Variants in LCLAT1 observed in about 807,000 individuals in gnomAD.
LCLAT1 encodes the protein lysocardiolipin acyltransferase 1, also known as 1-AGP acyltransferase 8.
LCLAT1 carries 11 observed loss-of-function variants against 30.7 expected under a neutral mutation model. That is an observed-to-expected ratio of 0.36 (90% CI 0.23 to 0.59). LCLAT1 has a LOEUF of 0.59. LCLAT1 is among the 20% of genes least tolerant of loss of function. The pLI, the probability that LCLAT1 is intolerant of heterozygous loss-of-function variation, is 0.77. For missense variants in LCLAT1, 402 were observed against 458.6 expected (o/e 0.88, Z 1.13); for synonymous variants, 155 against 151.3 (o/e 1.02, Z -0.18).
intron 1 of LCLAT1, among the ~76,000 whole-genome samples, chr2:30,521,129 G>A (rs1685447359): frequency 6.6e-6 from 1 of 152,146 alleles, no homozygotes; most frequent in South Asian, 2.1e-4. Context: ...GGTCCTCACT[G>A]CTACACTTCC....
chr2:30,571,076 T>C (rs1665758264), intron 5 of LCLAT1, among the ~76,000 whole-genome samples: 1 of 152,198 alleles, frequency 6.6e-6, no homozygotes, highest in African/African-American at 2.4e-5. Flanking sequence ...TTTATTTGAG[T>C]TTTAGGTTTG....
chr2:30,602,830 G>C (rs923907744), intron 5 of LCLAT1, among the ~76,000 whole-genome samples: 1 of 152,094 alleles, frequency 6.6e-6, no homozygotes, highest in Admixed American at 6.6e-5. Flanking sequence ...CTCAGCCCTG[G>C]CTTCCCATCC....
At chr2:30,526,206 T>C (rs1483067985) in intron 2 of LCLAT1, among the ~76,000 whole-genome samples, 2 of 152,284 alleles carry the variant, frequency 1.3e-5, no homozygotes, top group Non-Finnish European at 2.9e-5. Flanking sequence ...TCACATTTTT[T>C]TCTGCCTTAT....
chr2:30,576,744 C>T (rs558799083), intron 5 of LCLAT1, among the ~76,000 whole-genome samples: 48 of 151,994 alleles, frequency 3.2e-4, no homozygotes, highest in African/African-American at 1.1e-3. Flanking sequence ...GACATGTGTC[C>T]ATTTCATTAT....
intron 1 of LCLAT1, among the ~76,000 whole-genome samples, chr2:30,462,313 T>A (rs1192645747): frequency 6.6e-6 from 1 of 152,152 alleles, no homozygotes; most frequent in East Asian, 1.9e-4. Context: ...AGTGTATAAT[T>A]GGAAAGTTAG....
intron 1 of LCLAT1, among the ~76,000 whole-genome samples, chr2:30,470,581 GC>G (rs1401114419): frequency 6.6e-6 from 1 of 152,214 alleles, no homozygotes. Flanking sequence ...GAGGTTAGAA[GC>G]AAGATGGAGT....
At chr2:30,623,468 A>G (rs765113714) in intron 5 of LCLAT1, among the ~76,000 whole-genome samples, 13 of 152,148 alleles carry the variant, frequency 8.5e-5, no homozygotes, top group Non-Finnish European at 1.5e-4. Context: ...TGCATAGTAC[A>G]CTGGAAAGTC....
intron 1 of LCLAT1, among the ~76,000 whole-genome samples, chr2:30,505,723 G>A (rs181914363): frequency 9.2e-5 from 14 of 151,822 alleles, no homozygotes; most frequent in African/African-American, 3.2e-4. Context: ...ACCATTACTC[G>A]TACTTGTAAC....
chr2:30,605,853 G>T (rs186410596), intron 5 of LCLAT1, among the ~76,000 whole-genome samples: 7 of 152,014 alleles, frequency 4.6e-5, no homozygotes, highest in African/African-American at 1.5e-4. Context: ...GGGAGGGAGT[G>T]GGGGGATGGT....
chr2:30,594,213 TC>T (rs1161782198), intron 5 of LCLAT1, among the ~76,000 whole-genome samples: 1 of 152,158 alleles, frequency 6.6e-6, no homozygotes, highest in African/African-American at 2.4e-5. Context: ...TTTTAAAAAA[TC>T]AAGTTTCATA....
chr2:30,516,289 A>G (rs1014901963), intron 1 of LCLAT1, among the ~76,000 whole-genome samples: 2 of 151,948 alleles, frequency 1.3e-5, no homozygotes. Context: ...CTTCTGGTCC[A>G]TGTTTGTTAG....
chr2:30,581,742 T>C (rs892168468), intron 5 of LCLAT1, among the ~76,000 whole-genome samples: 3 of 152,176 alleles, frequency 2.0e-5, no homozygotes, highest in Admixed American at 6.5e-5. Context: ...GAATAGTGGT[T>C]ACTAGAGGCT....
intron 3 of LCLAT1, among the ~76,000 whole-genome samples, chr2:30,542,124 T>C (rs1485094363): frequency 6.6e-6 from 1 of 152,200 alleles, no homozygotes; most frequent in Non-Finnish European, 1.5e-5. Flanking sequence ...TATAGGCTCT[T>C]TATAGATAGG....
At chr2:30,517,018 A>G (rs1685215853) in intron 1 of LCLAT1, among the ~76,000 whole-genome samples, 1 of 152,222 alleles carries the variant, frequency 6.6e-6, no homozygotes, top group Non-Finnish European at 1.5e-5. Context: ...GGCATTGGCC[A>G]GTCGAGATCA....
At chr2:30,557,484 G>A (rs1572622083) in intron 3 of LCLAT1, among the ~76,000 whole-genome samples, 2 of 151,040 alleles carry the variant, frequency 1.3e-5, no homozygotes, top group East Asian at 3.9e-4. Context: ...GCACAATCTT[G>A]GCTCACTGCA....
chr2:30,537,427 A>G (rs1558505022), intron 3 of LCLAT1, among the ~76,000 whole-genome samples: 2 of 152,096 alleles, frequency 1.3e-5, no homozygotes. Flanking sequence ...AAAAAAAGAA[A>G]AAAAACCTAC....
intron 3 of LCLAT1, among the ~76,000 whole-genome samples, chr2:30,546,247 C>T (rs1664404222): frequency 6.6e-6 from 1 of 152,134 alleles, no homozygotes; most frequent in Admixed American, 6.5e-5. Context: ...ATAATGGAAA[C>T]TGGATAGGAA....
chr2:30,537,258 A>G (rs929220616), intron 3 of LCLAT1, among the ~76,000 whole-genome samples: 1 of 152,000 alleles, frequency 6.6e-6, no homozygotes, highest in African/African-American at 2.4e-5. Context: ...GCGGGCGCCT[A>G]TAGTCCCAGC....
intron 2 of LCLAT1, among the ~76,000 whole-genome samples, chr2:30,531,875 A>G (rs1686000095): frequency 6.6e-6 from 1 of 152,192 alleles, no homozygotes; most frequent in Non-Finnish European, 1.5e-5. Context: ...AGTTATTAAA[A>G]CACAAATGTA....
Sources: allele counts gnomAD v4.1 joint callset (sites outside exome capture counted in the v4.1 genomes callset), GRCh38; gene constraint gnomAD v4.1.1; transcripts MANE v1.5; gene names NCBI Gene and HGNC (gene_info 2026-07-23, HGNC 2026-07-21).